Variants in AGTPBP1 observed in about 807,000 individuals in gnomAD.
The protein encoded by AGTPBP1 is cytosolic carboxypeptidase 1.
AGTPBP1 carries 70 observed loss-of-function variants against 143.9 expected under a neutral mutation model. The ratio of observed to expected loss-of-function variants is 0.49; its 90% CI spans 0.40 to 0.59. The LOEUF (loss-of-function observed/expected upper bound fraction) is 0.59, where lower values mean the gene tolerates loss of function less well. Ranked by LOEUF, AGTPBP1 falls within the 20% of genes least tolerant of loss-of-function variation. The pLI, the probability that AGTPBP1 is intolerant of heterozygous loss-of-function variation, is 0.00. For missense variants in AGTPBP1, 1,229 were observed against 1,464.5 expected, an observed-to-expected ratio of 0.84 and a Z score of 2.62; for synonymous variants, 463 against 500.2, an observed-to-expected ratio of 0.93 and a Z score of 0.99.
At chr9:85,775,213 A>C in the AGTPBP1 span, among the ~76,000 whole-genome samples, 53 of 152,104 alleles carry the variant, frequency 3.5e-4, no homozygotes, top group African/African-American at 1.3e-3. Context: ...CTGAGATGGG[A>C]GAATCACCTG....
At chr9:85,703,920 A>G (rs1053001735) in intron 2 of AGTPBP1, among the ~76,000 whole-genome samples, 11 of 152,218 alleles carry the variant, frequency 7.2e-5, no homozygotes, top group African/African-American at 1.9e-4. Context: ...ACAAGAGACA[A>G]TGGTACCGCA....
chr9:85,683,143 T>C (rs921990741), intron 3 of AGTPBP1, among the ~76,000 whole-genome samples: 3 of 152,194 alleles, frequency 2.0e-5, no homozygotes, highest in Non-Finnish European at 2.9e-5. Flanking sequence ...TGCTGCCACA[T>C]TGTTAATGCT....
At chr9:85,786,311 C>G in the AGTPBP1 span, 9 of 1,607,364 alleles carry the variant, frequency 5.6e-6, no homozygotes, top group Middle Eastern at 1.6e-4. Context: ...TTAGCACCCC[C>G]CAGTGGGCAT....
chr9:85,584,704 C>A (rs546314946), intron 23 of AGTPBP1, among the ~76,000 whole-genome samples: 1 of 152,062 alleles, frequency 6.6e-6, no homozygotes, highest in Non-Finnish European at 1.5e-5. Flanking sequence ...TTCCTATCTA[C>A]CATCAATGAT....
intron 25 of AGTPBP1, among the ~76,000 whole-genome samples, chr9:85,561,386 CAAA>C (rs57157743): frequency 1.6e-4 from 11 of 70,128 alleles, no homozygotes; most frequent in African/African-American, 1.5e-4. Context: ...GGCTCCATCT[CAAA>C]AAAAAAAAAA....
intron 25 of AGTPBP1, among the ~76,000 whole-genome samples, chr9:85,571,030 C>T (rs1456924459): frequency 6.6e-6 from 1 of 152,174 alleles, no homozygotes; most frequent in Non-Finnish European, 1.5e-5. Context: ...CAGAATGGAA[C>T]ATATCACTGT....
At chr9:85,694,321 T>C (rs1016419052) in intron 2 of AGTPBP1, among the ~76,000 whole-genome samples, 13 of 152,116 alleles carry the variant, frequency 8.5e-5, no homozygotes, top group African/African-American at 3.1e-4. Flanking sequence ...TCCCCTTCAA[T>C]TAATCGACTT....
intron 12 of AGTPBP1, among the ~76,000 whole-genome samples, chr9:85,646,086 G>T (rs779490885): frequency 6.6e-6 from 1 of 152,096 alleles, no homozygotes; most frequent in Non-Finnish European, 1.5e-5. Flanking sequence ...AGGCAGAAAG[G>T]TTAGATAAAA....
At chr9:85,726,446 G>A (rs766945672) in intron 1 of AGTPBP1, among the ~76,000 whole-genome samples, 3 of 152,138 alleles carry the variant, frequency 2.0e-5, no homozygotes, top group Admixed American at 6.6e-5. Context: ...ACAAATGCCC[G>A]ATAATCCGAT....
At chr9:85,762,780 T>A in the AGTPBP1 span, among the ~76,000 whole-genome samples, 8 of 145,560 alleles carry the variant, frequency 5.5e-5, no homozygotes, top group Non-Finnish European at 1.2e-4. Context: ...TATATATATA[T>A]AAAACTTTAT....
At chr9:85,681,403 A>C in intron 3 of AGTPBP1, 68 bp from the exon 4 acceptor site, 1 of 1,326,768 alleles carries the variant, frequency 7.5e-7, no homozygotes, top group Admixed American at 2.0e-5. Flanking sequence ...TTTGTTGCAT[A>C]TAGCTAATAA....
At chr9:85,783,536 A>T in the AGTPBP1 span, among the ~76,000 whole-genome samples, 3 of 152,226 alleles carry the variant, frequency 2.0e-5, no homozygotes, top group Non-Finnish European at 4.4e-5. Context: ...TATAAAATAT[A>T]GCAATTTACA....
Position 85,689,898 on chromosome 9 carries a change from CAAAAAAAAAAAA to C in AGTPBP1, c.157+2779_157+2790del, listed in dbSNP as rs1156931410. ...CAACAGAGTGAGAGAGACTCTGCCT[CAAAAAAAAAAAA>C]AAAAAAAAAAAAAAAATATATATAT... On this transcript the variant is annotated intron_variant, in intron 3 of 25. Transcript: ENST00000357081. Among the ~76,000 whole-genome samples the C allele has an allele frequency of 2.1e-4, 6 of 28,340 alleles. No homozygotes were observed. In the Admixed American group the frequency reaches 3.9e-3, roughly 18 times the overall value. 18.6% of individuals were successfully genotyped at this position (28,340 alleles called of 152,430 possible).
chr9:85,761,928 GA>G, the AGTPBP1 span, among the ~76,000 whole-genome samples: 77 of 152,008 alleles, frequency 5.1e-4, no homozygotes, highest in Admixed American at 1.8e-3. Context: ...AAATTTACAA[GA>G]AAAAAACAAC....
At chr9:85,705,875 A>G (rs1836959871) in intron 2 of AGTPBP1, among the ~76,000 whole-genome samples, 1 of 151,988 alleles carries the variant, frequency 6.6e-6, no homozygotes, top group South Asian at 2.1e-4. Flanking sequence ...TATTTTTAGT[A>G]GAGATGGGGT....
At chr9:85,652,326 T>C (rs940667711) in intron 11 of AGTPBP1, among the ~76,000 whole-genome samples, 45 of 152,158 alleles carry the variant, frequency 3.0e-4, no homozygotes, top group African/African-American at 8.4e-4. Flanking sequence ...CTAGCCAACA[T>C]GGTGAAACCC....
At chr9:85,775,524 G>GAT in the AGTPBP1 span, among the ~76,000 whole-genome samples, 3,591 of 145,124 alleles carry the variant, frequency 0.025, 82 homozygotes, top group Middle Eastern at 0.062. Context: ...TCATATATAT[G>GAT]ATATATATAT....
the AGTPBP1 span, among the ~76,000 whole-genome samples, chr9:85,803,141 G>A: frequency 6.6e-6 from 1 of 152,170 alleles, no homozygotes; most frequent in Non-Finnish European, 1.5e-5. Context: ...CATATACGTG[G>A]GAACTGGGGA....
chr9:85,575,502 T>A, intron 24 of AGTPBP1, 27 bp from the exon 25 acceptor site: 1 of 1,562,690 alleles, frequency 6.4e-7, no homozygotes, highest in South Asian at 1.2e-5. Flanking sequence ...ATTATGCATA[T>A]AATTACAAAG....
Sources: gnomAD v4.1 joint callset for allele counts (sites outside exome capture counted in the v4.1 genomes callset) on GRCh38, gnomAD v4.1.1 for gene constraint, MANE v1.5 for transcripts, NCBI Gene and HGNC (gene_info 2026-07-23, HGNC 2026-07-21) for gene names.